ARHGAP8: variants seen among roughly 807,000 people sequenced by gnomAD.
ARHGAP8 encodes rho GTPase-activating protein 8.
Under a neutral mutation model 46.1 loss-of-function variants are expected in ARHGAP8, and 62 were observed. The ratio of observed to expected loss-of-function variants is 1.34; its 90% CI spans 1.10 to 1.66. The LOEUF (loss-of-function observed/expected upper bound fraction) is 1.66. Among genes scored for constraint, ARHGAP8 ranks in the 40% most tolerant of loss-of-function variants. The probability of loss-of-function intolerance (pLI) is 0.00; values close to 1 mark genes in which losing one functional copy is unlikely to be tolerated. For synonymous variants in ARHGAP8, 375 were observed against 243.1 expected, an observed-to-expected ratio of 1.54 and a Z score of -5.05; for missense variants, 923 against 568.4, an observed-to-expected ratio of 1.62 and a Z score of -6.34.
intron 7 of ARHGAP8, among the ~76,000 whole-genome samples, chr22:44,832,582 AT>A (rs1931020970): frequency 6.6e-6 from 1 of 152,124 alleles, no homozygotes; most frequent in Non-Finnish European, 1.5e-5. Flanking sequence ...CTAGAAATAC[AT>A]TTTTTAAATA....
At chr22:44,828,243 C>T (rs1198743523) in intron 7 of ARHGAP8, among the ~76,000 whole-genome samples, 1 of 152,120 alleles carries the variant, frequency 6.6e-6, no homozygotes, top group East Asian at 1.9e-4. Flanking sequence ...CCAAATAGTA[C>T]TTCCTTTTCC....
rs1321950865 is a variant in ARHGAP8 at position 44,862,439 on chromosome 22, C to G, written c.1146C>G (p.Ser382Arg). 2.5e-6 allele frequency: 4 copies of G among 1,614,122 alleles called. No individual in the cohort carries two copies. The South Asian group carries it at 4.4e-5, about 18-fold the overall frequency. The change falls in exon 12 of 12, where the codon AGC becomes AGG. Residue 382 changes from serine (S) to arginine (R), a missense_variant. By Grantham distance (110) the Ser-to-Arg change is moderately radical. Coordinates refer to ENST00000356099, the MANE Select transcript of ARHGAP8 (RefSeq NM_181335.3). The part of the protein sequence containing the change: ...LLIEYYEKIF[S>R]TPEAPGEHGL... ...TCGAGTACTATGAAAAGATCTTCAG[C>G]ACCCCGGAGGCACCTGGGGAGCACG...
intron 2 of ARHGAP8, among the ~76,000 whole-genome samples, chr22:44,788,869 T>C (rs575864564): frequency 6.6e-6 from 1 of 152,224 alleles, no homozygotes; most frequent in African/African-American, 2.4e-5. Context: ...ACTAGTACAC[T>C]TGCCTATGAT....
At chr22:44,767,984 C>CTTTTTTTTTGTTTTTTTTTTTTTTTT (rs1925708862) in intron 1 of ARHGAP8, among the ~76,000 whole-genome samples, 1 of 47,228 alleles carries the variant, frequency 2.1e-5, no homozygotes, top group Non-Finnish European at 3.6e-5. Flanking sequence ...CGCATGATGT[C>CTTTTTTTTTGTTTTTTTTTTTTTTTT]TTTTTTTTTT....
intron 1 of ARHGAP8, among the ~76,000 whole-genome samples, chr22:44,782,821 C>G (rs887461375): frequency 1.3e-5 from 2 of 152,188 alleles, no homozygotes; most frequent in Non-Finnish European, 2.9e-5. Flanking sequence ...TGTATTTGCT[C>G]AGTCCCCGTC....
chr22:44,763,230 C>T (rs767476575), intron 1 of ARHGAP8, among the ~76,000 whole-genome samples: 1 of 151,922 alleles, frequency 6.6e-6, no homozygotes, highest in Non-Finnish European at 1.5e-5. Flanking sequence ...GGTGTGGTGG[C>T]TCACACCTGT....
At chr22:44,818,423 TGG>T (rs1929898871) in intron 5 of ARHGAP8, among the ~76,000 whole-genome samples, 1 of 143,406 alleles carries the variant, frequency 7.0e-6, no homozygotes, top group South Asian at 2.1e-4. Context: ...CACTCCAGCC[TGG>T]GCAACAAGAG....
At chr22:44,857,848 C>G (rs1333577301) in intron 10 of ARHGAP8, among the ~76,000 whole-genome samples, 1 of 152,154 alleles carries the variant, frequency 6.6e-6, no homozygotes, top group Non-Finnish European at 1.5e-5. Context: ...TGCTTGACCT[C>G]TTGCTCCCTC....
chr22:44,848,621 C>T (rs1017477357), intron 9 of ARHGAP8, among the ~76,000 whole-genome samples: 1 of 152,226 alleles, frequency 6.6e-6, no homozygotes. Flanking sequence ...CCTGCGGTGT[C>T]ATCTCTGCCA....
At chr22:44,786,294 G>A (rs957665561) in intron 1 of ARHGAP8, among the ~76,000 whole-genome samples, 163 bp from the exon 2 acceptor site, 5 of 152,088 alleles carry the variant, frequency 3.3e-5, no homozygotes, top group Non-Finnish European at 7.4e-5. Context: ...CCTAGTGGGT[G>A]CTCGGCTGAG....
At chr22:44,785,340 G>T (rs1176523363) in intron 1 of ARHGAP8, among the ~76,000 whole-genome samples, 1 of 152,160 alleles carries the variant, frequency 6.6e-6, no homozygotes, top group Non-Finnish European at 1.5e-5. Context: ...CACTGTCTCA[G>T]TTCTGGAGGC....
rs2070364315 is a variant in ARHGAP8, at chr22:44,859,606, GCC to G, written c.878-123_878-122del. On this transcript the variant is annotated intron_variant, in intron 10 of 11. Transcript: ENST00000356099. ...GCCAGAAGATAAGTGGGGGTCCCAAGCCCAAATGTGGGATAGTCCATCCTCAG... is the reference window on the plus strand; with the variant it reads ...GCCAGAAGATAAGTGGGGGTCCCAAGCAAATGTGGGATAGTCCATCCTCAG... 6 of 1,040,622 alleles carry G rather than the reference GCC, an allele frequency of 5.8e-6. No individual in the cohort carries two copies. The East Asian group carries it at 1.5e-4, about 27-fold the overall frequency. 64.5% of individuals were successfully genotyped at this position (1,040,622 alleles called of 1,614,324 possible).
At chr22:44,846,109 C>CCAGACCCCCTAAAG (rs1371505363) in intron 8 of ARHGAP8, among the ~76,000 whole-genome samples, 1 of 152,182 alleles carries the variant, frequency 6.6e-6, no homozygotes, top group Non-Finnish European at 1.5e-5. Flanking sequence ...CCTAACATGG[C>CCAGACCCCCTAAAG]CAGACCCCCT....
intron 2 of ARHGAP8, among the ~76,000 whole-genome samples, chr22:44,800,035 C>CGGAGGATGGTCTGCAGGCAT (rs1053213162): frequency 9.3e-5 from 14 of 150,668 alleles, no homozygotes; most frequent in Non-Finnish European, 1.8e-4. Context: ...TCTGCAGGCA[C>CGGAGGATGGTCTGCAGGCAT]GGAGGATGGT....
At chr22:44,827,636 C>G (rs1285874930) in intron 7 of ARHGAP8, among the ~76,000 whole-genome samples, 2 of 152,088 alleles carry the variant, frequency 1.3e-5, no homozygotes, top group Non-Finnish European at 2.9e-5. Context: ...AGCCACCTCG[C>G]CTGGCCCATT....
chr22:44,770,448 C>T (rs132464), intron 1 of ARHGAP8, among the ~76,000 whole-genome samples: 56,607 of 150,966 alleles, frequency 0.37, 11,904 homozygotes, highest in African/African-American at 0.57. Context: ...CTGTATCACC[C>T]AGGCTGGAGT....
rs777330904 is a variant in ARHGAP8, at chr22:44,825,465, C to T, written c.486-18C>T. The T allele has an allele frequency of 6.9e-6, 11 of 1,605,782 alleles. No individual in the cohort carries two copies. The South Asian group carries it at 1.1e-4, about 16-fold the overall frequency. On this transcript the variant is annotated intron_variant, in intron 6 of 11. Transcript: ENST00000356099. ...CTGCCCCTGCCAGGTGAGATCCCAG[C>T]CTCTGTTGTGTCTACAGGTACGATG...
intron 10 of ARHGAP8, 150 bp downstream of exon 10, chr22:44,849,210 G>A: frequency 6.9e-7 from 1 of 1,443,394 alleles, no homozygotes; most frequent in Non-Finnish European, 9.3e-7. Flanking sequence ...CAAGAGAGGG[G>A]GTTGTTGGGG....
chr22:44,862,447 A>C lies in ARHGAP8; in HGVS notation c.1154A>C (p.Glu385Ala), dbSNP rs568842004. The C allele has an allele frequency of 1.2e-4, 201 of 1,614,048 alleles. 3 individuals carry two copies. In the South Asian group the frequency reaches 2.0e-3, roughly 16 times the overall value. ...TATGAAAAGATCTTCAGCACCCCGG[A>C]GGCACCTGGGGAGCACGGCCTGGCA... ...EYYEKIFSTP[E>A]APGEHGLAPW... The change falls in exon 12 of 12, where the codon GAG becomes GCG. Residue 385 changes from glutamate (E) to alanine (A), a missense_variant. Physicochemically the swap from Glu to Ala is moderately radical, Grantham distance 107 (BLOSUM62 -1). Coordinates refer to ENST00000356099, the MANE Select transcript of ARHGAP8 (RefSeq NM_181335.3).
Sources: allele counts gnomAD v4.1 joint callset (sites outside exome capture counted in the v4.1 genomes callset), GRCh38; gene constraint gnomAD v4.1.1; transcripts MANE v1.5; gene names NCBI Gene and HGNC (gene_info 2026-07-23, HGNC 2026-07-21).